PSMA1: variants seen among roughly 807,000 people sequenced by gnomAD.
The protein encoded by PSMA1 is proteasome 20S subunit alpha 1.
In PSMA1, 3 loss-of-function variants were observed where a neutral mutation model predicts 38.4. The observed-to-expected ratio is 0.08, with a 90% CI of 0.04 to 0.20. PSMA1 has a LOEUF of 0.20. PSMA1 is among the 10% of genes least tolerant of loss of function. The pLI is 1.00. For synonymous variants in PSMA1, 101 were observed against 107.1 expected, an observed-to-expected ratio of 0.94 and a Z score of 0.35; for missense variants, 227 against 325.3, an observed-to-expected ratio of 0.70 and a Z score of 2.32.
upstream of PSMA1, among the ~76,000 whole-genome samples, chr11:14,521,493 A>G (rs560793361): frequency 1.8e-3 from 268 of 145,462 alleles, 1 homozygote; most frequent in African/African-American, 6.4e-3. Flanking sequence ...TTCTGTTTCA[A>G]AAAAAAAAAA....
chr11:14,614,344 T>C (rs1453369766), intron 1 of PSMA1, among the ~76,000 whole-genome samples: 2 of 152,188 alleles, frequency 1.3e-5, no homozygotes, highest in Non-Finnish European at 2.9e-5. Flanking sequence ...GTAACATTTT[T>C]TCCTTTGTTA....
chr11:14,624,769 G>A (rs1156585859), intron 1 of PSMA1, among the ~76,000 whole-genome samples: 4 of 152,140 alleles, frequency 2.6e-5, no homozygotes, highest in African/African-American at 7.2e-5. Context: ...CTACTTGGAA[G>A]CCTGCTGGTA....
intron 2 of PSMA1, among the ~76,000 whole-genome samples, chr11:14,546,132 T>C (rs1851823678): frequency 6.7e-6 from 1 of 149,954 alleles, no homozygotes; most frequent in African/African-American, 2.4e-5. Context: ...AATTCTACCT[T>C]TCTCTCTCTC....
chr11:14,608,660 C>T (rs930279815), intron 2 of PSMA1, among the ~76,000 whole-genome samples: 2 of 145,990 alleles, frequency 1.4e-5, no homozygotes, highest in Admixed American at 6.8e-5. Context: ...AAGCAAGATC[C>T]TGTCTGTATT....
At chr11:14,595,409 C>T (rs565800780) in intron 2 of PSMA1, among the ~76,000 whole-genome samples, 1 of 152,326 alleles carries the variant, frequency 6.6e-6, no homozygotes, top group South Asian at 2.1e-4. Flanking sequence ...TCCTCTCCAG[C>T]ATCTGCTGTT....
At chr11:14,586,214 T>C (rs1270838482) in intron 2 of PSMA1, among the ~76,000 whole-genome samples, 1 of 152,132 alleles carries the variant, frequency 6.6e-6, no homozygotes, top group Admixed American at 6.5e-5. Flanking sequence ...GGAGGACTAC[T>C]TGAGGCCAGG....
At chr11:14,568,127 T>C (rs1852094397) in intron 2 of PSMA1, among the ~76,000 whole-genome samples, 1 of 152,218 alleles carries the variant, frequency 6.6e-6, no homozygotes, top group South Asian at 2.1e-4. Flanking sequence ...TCAGATTTTA[T>C]AGAATATTAA....
At chr11:14,613,162 A>G (rs1385150567) in intron 1 of PSMA1, among the ~76,000 whole-genome samples, 1 of 151,932 alleles carries the variant, frequency 6.6e-6, no homozygotes, top group Admixed American at 6.5e-5. Context: ...AAAGTCAATA[A>G]TTTTAAATAG....
chr11:14,532,563 C>T (rs1463784768), intron 2 of PSMA1, among the ~76,000 whole-genome samples: 1 of 151,632 alleles, frequency 6.6e-6, no homozygotes, highest in East Asian at 1.9e-4. Context: ...CGAGATTGTG[C>T]CACTGCACTC....
intron 1 of PSMA1, among the ~76,000 whole-genome samples, chr11:14,634,807 A>G (rs1043573176): frequency 6.6e-6 from 1 of 152,206 alleles, no homozygotes; most frequent in African/African-American, 2.4e-5. Context: ...AGTAAACAGA[A>G]CTGGAGCCTT....
intron 1 of PSMA1, among the ~76,000 whole-genome samples, chr11:14,642,618 T>C (rs1242976331): frequency 6.6e-6 from 1 of 152,192 alleles, no homozygotes; most frequent in Admixed American, 6.5e-5. Flanking sequence ...AGGTTTCTCA[T>C]CTGCCTGGAA....
At chr11:14,588,840 G>A (rs1006101288) in intron 2 of PSMA1, among the ~76,000 whole-genome samples, 1 of 152,154 alleles carries the variant, frequency 6.6e-6, no homozygotes, top group African/African-American at 2.4e-5. Flanking sequence ...AGCTCTATAA[G>A]CCATTTTTCT....
chr11:14,635,032 C>T (rs144365565), intron 1 of PSMA1, among the ~76,000 whole-genome samples: 53 of 152,276 alleles, frequency 3.5e-4, no homozygotes, highest in African/African-American at 1.2e-3. Flanking sequence ...TTTTATAGCA[C>T]AATAAAACCT....
chr11:14,535,720 C>G (rs1754538662), intron 2 of PSMA1, among the ~76,000 whole-genome samples: 1 of 152,142 alleles, frequency 6.6e-6, no homozygotes, highest in African/African-American at 2.4e-5. Flanking sequence ...GCTGGGATTA[C>G]AGGCATGAGC....
chr11:14,536,601 TA>T (rs200221994), intron 2 of PSMA1, among the ~76,000 whole-genome samples: 6 of 151,140 alleles, frequency 4.0e-5, no homozygotes, highest in Non-Finnish European at 5.9e-5. Flanking sequence ...AGGCAGCATT[TA>T]AAAAAATTTT....
At chr11:14,622,407 T>C (rs1177815174) in intron 1 of PSMA1, among the ~76,000 whole-genome samples, 1 of 152,244 alleles carries the variant, frequency 6.6e-6, no homozygotes, top group Admixed American at 6.5e-5. Context: ...AACATTCGTC[T>C]GATACATTAC....
intron 1 of PSMA1, among the ~76,000 whole-genome samples, chr11:14,620,445 C>A (rs548923926): frequency 1.6e-4 from 25 of 152,294 alleles, no homozygotes; most frequent in Admixed American, 1.6e-3. Flanking sequence ...AGACTAGAGT[C>A]CCTCAGCAAA....
intron 1 of PSMA1, among the ~76,000 whole-genome samples, chr11:14,628,976 T>C (rs976817755): frequency 4.0e-5 from 6 of 151,326 alleles, no homozygotes; most frequent in Admixed American, 3.9e-4. Flanking sequence ...TTTTGAGAAG[T>C]GTCTGTTCAT....
At chr11:14,636,010 C>A (rs774049338) in intron 1 of PSMA1, among the ~76,000 whole-genome samples, 35 of 152,114 alleles carry the variant, frequency 2.3e-4, no homozygotes, top group Middle Eastern at 6.8e-3. Flanking sequence ...ATTTTTTTTA[C>A]ACAGGAGAAA....
Sources: allele counts gnomAD v4.1 joint callset (sites outside exome capture counted in the v4.1 genomes callset), GRCh38; gene constraint gnomAD v4.1.1; transcripts MANE v1.5; gene names NCBI Gene and HGNC (gene_info 2026-07-23, HGNC 2026-07-21).